The following ARSD variants were observed in gnomAD, a reference collection of about 807,000 sequenced individuals.
ARSD encodes the protein arylsulfatase D.
In ARSD, 21 loss-of-function variants were observed where a neutral mutation model predicts 32.6. The observed-to-expected ratio is 0.64, with a 90% CI of 0.46 to 0.93. The LOEUF (loss-of-function observed/expected upper bound fraction) is 0.93. ARSD is among the 40% of genes least tolerant of loss of function. The probability of loss-of-function intolerance (pLI) is 0.00; values close to 1 mark genes in which losing one functional copy is unlikely to be tolerated. For missense variants in ARSD, 454 were observed against 520.9 expected (o/e 0.87, Z 1.25); for synonymous variants, 224 against 237.4 (o/e 0.94, Z 0.52).
chrX:2,913,733 G>A, intron 6 of ARSD: 1 of 947,820 alleles, frequency 1.1e-6, no homozygotes, highest in Non-Finnish European at 1.3e-6. Flanking sequence ...GTAGAAGGTT[G>A]ACAATATAGT....
rs374714574 is a variant in ARSD, at chrX:2,921,891, C to T, written c.316+12G>A. On this transcript the variant is annotated intron_variant, in intron 3 of 9. Coordinates refer to ENST00000381154, the MANE Select transcript of ARSD (RefSeq NM_001669.4). ...GATGTACCCATTTCTCCATCATCTC[C>T]GTGACACCAACCTGATCTGAAGGAA... 29 of 1,205,270 alleles carry T rather than the reference C, an allele frequency of 2.4e-5. No individual in the cohort carries two copies. Among genetic ancestry groups the T allele is most frequent in the South Asian group, 8.9e-5 (5 of 56,151 alleles).
intron 1 of ARSD, among the ~76,000 whole-genome samples, chrX:2,928,602 G>C (rs1009249001): frequency 3.9e-5 from 4 of 103,869 alleles, no homozygotes; most frequent in Non-Finnish European, 7.9e-5. Flanking sequence ...CGGGAGGACG[G>C]GGCGTTGGGG....
intron 6 of ARSD, among the ~76,000 whole-genome samples, chrX:2,912,888 G>T (rs760774313): frequency 8.9e-6 from 1 of 112,532 alleles, no homozygotes; most frequent in Non-Finnish European, 1.9e-5. Context: ...AGCACTGAAA[G>T]TCAAAATGAT....
At chrX:2,908,647 C>T (rs2088876020) in intron 9 of ARSD, 74 bp downstream of exon 9, 32 of 1,027,620 alleles carry the variant, frequency 3.1e-5, no homozygotes, top group Non-Finnish European at 4.1e-5. Flanking sequence ...TCCATCCATC[C>T]ATCCATCCAC....
intron 9 of ARSD, chrX:2,908,129 G>A (rs5939393): frequency 0.084 from 16,852 of 199,692 alleles, 1,093 homozygotes; most frequent in East Asian, 0.45. Flanking sequence ...TTTATCTATC[G>A]ATCATCTATC....
chrX:2,908,271 C>T (rs1316691775), intron 9 of ARSD, among the ~76,000 whole-genome samples: 3 of 110,027 alleles, frequency 2.7e-5, no homozygotes, highest in African/African-American at 1.0e-4. Context: ...ATCTATCCAT[C>T]ATCTATCTTA....
chrX:2,912,945 C>G (rs755163776), intron 6 of ARSD, among the ~76,000 whole-genome samples: 1 of 112,211 alleles, frequency 8.9e-6, no homozygotes, highest in Non-Finnish European at 1.9e-5. Flanking sequence ...GACTTTGAAG[C>G]CTGCTGTAAA....
At chrX:2,919,253 G>T (rs1272358892) in intron 4 of ARSD, among the ~76,000 whole-genome samples, 4 of 102,606 alleles carry the variant, frequency 3.9e-5, no homozygotes, top group Admixed American at 1.1e-4. Flanking sequence ...ACAAGTTAGG[G>T]TGTTGCGGCT....
chrX:2,911,361 A>G (rs1296829803), intron 6 of ARSD, among the ~76,000 whole-genome samples: 1 of 108,916 alleles, frequency 9.2e-6, no homozygotes, highest in Non-Finnish European at 1.9e-5. Context: ...TGACAGAGTG[A>G]GACTGTTTCA....
intron 6 of ARSD, chrX:2,913,754 G>T (rs1320276918): frequency 1.1e-5 from 10 of 920,071 alleles, no homozygotes; most frequent in East Asian, 8.3e-5. Context: ...TTGGATGTGT[G>T]TCCCCGCCCA....
At chrX:2,928,938 C>T (rs1232815840) in intron 1 of ARSD, among the ~76,000 whole-genome samples, 1 of 112,385 alleles carries the variant, frequency 8.9e-6, no homozygotes, top group Non-Finnish European at 1.9e-5. Flanking sequence ...GCCCTCCCTT[C>T]CCTTCCTCCT....
rs192289053 is a variant in ARSD, at chrX:2,923,369, G to A, written c.195-1345C>T. On this transcript the variant is annotated intron_variant, in intron 2 of 9. Transcript: ENST00000381154. ...TGTGCCTGTAGTCTCAGCTACTCAG[G>A]AGGCTGAGGTGAGAGCCTAGGAGAT... 6.9e-3 allele frequency: 1,224 copies of A among 176,771 alleles called. 4 individuals are homozygous for A. The highest frequency in any genetic ancestry group is 0.011 in the Non-Finnish European group (974 of 91,661). The allele number at this position is 176,771 out of a possible 1,213,427, so 14.6% of individuals were successfully genotyped here. A position where few individuals can be genotyped will look rare whatever the true frequency, so the allele number is the denominator to read the frequency against.
At chrX:2,921,572 C>T in intron 3 of ARSD, among the ~76,000 whole-genome samples, 1 of 111,922 alleles carries the variant, frequency 8.9e-6, no homozygotes, top group Non-Finnish European at 1.9e-5. Context: ...TATCATCTAT[C>T]ATCTATCTAT....
chrX:2,925,690 T>C lies in ARSD; in HGVS notation c.120A>G (p.Lys40=). The C allele has an allele frequency of 8.3e-7, 1 of 1,209,584 alleles. No individual in the cohort carries two copies. Among genetic ancestry groups the C allele is most frequent in the Non-Finnish European group, 1.1e-6 (1 of 894,282 alleles). Residue 40 remains lysine (K), a synonymous_variant, in exon 2 of 10, where the codon AAA becomes AAG. Transcript: ENST00000381154. ...CCGCCATGATCAGTAGGATATTTGG[T>C]TTAAAGGCATTTGCAGTTTTAGGTT... ...TCEPKTANAF[K]PNILLIMADD...
intron 8 of ARSD, 117 bp downstream of exon 8, chrX:2,909,700 A>G: frequency 3.1e-6 from 2 of 652,962 alleles, no homozygotes; most frequent in Non-Finnish European, 2.1e-6. Context: ...AAAAAAAAAA[A>G]AAAGCTTATT....
At chrX:2,927,217 T>C (rs1298903936) in intron 1 of ARSD, among the ~76,000 whole-genome samples, 1 of 103,181 alleles carries the variant, frequency 9.7e-6, no homozygotes, top group Admixed American at 1.1e-4. Flanking sequence ...TAGAAGTAAA[T>C]TGAAAGGAAA....
At chrX:2,917,633 C>T (rs899684887) in intron 5 of ARSD, among the ~76,000 whole-genome samples, 171 bp downstream of exon 5, 1 of 110,129 alleles carries the variant, frequency 9.1e-6, no homozygotes, top group Non-Finnish European at 1.9e-5. Context: ...ACCACTATGC[C>T]CGGCTAATGA....
chrX:2,911,618 C>A (rs1425135873), intron 6 of ARSD, among the ~76,000 whole-genome samples: 1 of 97,611 alleles, frequency 1.0e-5, no homozygotes, highest in Non-Finnish European at 2.0e-5. Flanking sequence ...TGCAGTGAGC[C>A]GAGATCGCAC....
intron 1 of ARSD, among the ~76,000 whole-genome samples, chrX:2,928,025 T>C (rs1475153013): frequency 8.9e-6 from 1 of 111,929 alleles, no homozygotes; most frequent in African/African-American, 3.2e-5. Context: ...CCTTCTTTTG[T>C]TGCTTCATTC....
Sources: allele counts gnomAD v4.1 joint callset (sites outside exome capture counted in the v4.1 genomes callset), GRCh38; gene constraint gnomAD v4.1.1; transcripts MANE v1.5; gene names NCBI Gene and HGNC (gene_info 2026-07-23, HGNC 2026-07-21).